MYO9B: variants seen among roughly 807,000 people sequenced by gnomAD.
The protein encoded by MYO9B is unconventional myosin-IXb.
MYO9B carries 71 observed loss-of-function variants against 229.5 expected under a neutral mutation model. That is an observed-to-expected ratio of 0.31 (90% confidence interval 0.26 to 0.38). The LOEUF (loss-of-function observed/expected upper bound fraction) is 0.38, where lower values mean the gene tolerates loss of function less well. MYO9B is among the 10% of genes least tolerant of loss of function. The pLI, the probability that MYO9B is intolerant of heterozygous loss-of-function variation, is 1.00. For synonymous variants in MYO9B, 1,185 were observed against 1,235.8 expected (o/e 0.96, Z 0.86); for missense variants, 2,255 against 2,920.5 (o/e 0.77, Z 5.25).
intron 3 of MYO9B, among the ~76,000 whole-genome samples, chr19:17,146,092 T>C (rs1184254705): frequency 6.6e-6 from 1 of 151,298 alleles, no homozygotes; most frequent in African/African-American, 2.4e-5. Flanking sequence ...AATGGATGGA[T>C]AGATGAATTA....
chr19:17,102,438 A>T lies in MYO9B; in HGVS notation c.721A>T (p.Ser241Cys), dbSNP rs2057754061. 1 of 1,613,736 alleles carries T rather than the reference A, an allele frequency of 6.2e-7. No homozygotes were observed. ...CCAGTGCATCGTGATCTCGGGTGAG[A>T]GCGGCTCCGGCAAGACCCAGAGCAC... ...VNQCIVISGE[S>C]GSGKTQSTNF... The change falls in exon 2 of 40, where the codon AGC becomes TGC. Residue 241 changes from serine to cysteine, a missense_variant. By Grantham distance (112) the Ser-to-Cys change is moderately radical (BLOSUM62 -1). This residue lies in a region of MYO9B where 386 missense variants were observed against 515.2 expected (regional missense o/e 0.75). Coordinates refer to ENST00000682292, the MANE Select transcript of MYO9B (RefSeq NM_004145.4).
chr19:17,128,212 A>G (rs1437028253), intron 2 of MYO9B, among the ~76,000 whole-genome samples: 1 of 112,844 alleles, frequency 8.9e-6, no homozygotes, highest in Non-Finnish European at 1.8e-5. Context: ...CCCTATCTAT[A>G]CTGAAAAAAA....
At chr19:17,128,677 G>A (rs2072155778) in intron 2 of MYO9B, among the ~76,000 whole-genome samples, 2 of 152,234 alleles carry the variant, frequency 1.3e-5, no homozygotes, top group African/African-American at 4.8e-5. Context: ...TGCTGTCAGT[G>A]TCCCCAGGTG....
chr19:17,107,501 T>C (rs1236070299), intron 2 of MYO9B, among the ~76,000 whole-genome samples: 1 of 152,202 alleles, frequency 6.6e-6, no homozygotes, highest in Non-Finnish European at 1.5e-5. Context: ...CGTGGACAAG[T>C]TTCCTGTTGC....
At position 17,114,508 on chromosome 19, in the gene MYO9B, C is replaced by T. The variant is rs199977345; in HGVS notation, c.840+11951C>T. The stretch of plus-strand genomic sequence containing the variant: ...GAGGATCTGGCTTTCCAAGAGCCTG[C>T]TCTTCCAGGTGCACTGAGTGACGTC... On this transcript the variant is annotated intron_variant, in intron 2 of 39. Coordinates refer to ENST00000682292, the MANE Select transcript of MYO9B (RefSeq NM_004145.4). Among the ~76,000 whole-genome samples the T allele has an allele frequency of 3.7e-3, 569 of 152,008 alleles. 3 individuals are homozygous for T. The highest frequency in any genetic ancestry group is 5.9e-3 in the Non-Finnish European group (402 of 67,908).
intron 28 of MYO9B, 32 bp from the exon 29 acceptor site, chr19:17,202,810 C>A (rs8101251): frequency 0.44 from 689,697 of 1,564,248 alleles, 159,504 homozygotes; most frequent in East Asian, 0.75. Flanking sequence ...CCAGGGGGGC[C>A]CCCGCCAACC....
intron 10 of MYO9B, among the ~76,000 whole-genome samples, chr19:17,163,846 T>C (rs1042158952): frequency 1.3e-5 from 2 of 152,242 alleles, no homozygotes; most frequent in African/African-American, 4.8e-5. Context: ...TTCCATTTTC[T>C]GGATGTACCA....
intron 1 of MYO9B, among the ~76,000 whole-genome samples, chr19:17,078,513 C>T (rs866231344): frequency 5.9e-5 from 9 of 152,000 alleles, no homozygotes; most frequent in African/African-American, 1.7e-4. Flanking sequence ...GCACTCCAGT[C>T]TGGGTGACAG....
chr19:17,094,787 C>A (rs1187904737), intron 1 of MYO9B, among the ~76,000 whole-genome samples: 2 of 150,254 alleles, frequency 1.3e-5, no homozygotes, highest in South Asian at 2.1e-4. Flanking sequence ...ACTAAAAATA[C>A]AAAAATTAGG....
chr19:17,143,279 G>A (rs1256229802), intron 2 of MYO9B, among the ~76,000 whole-genome samples: 3 of 151,850 alleles, frequency 2.0e-5, no homozygotes, highest in Admixed American at 1.3e-4. Flanking sequence ...CACAACCTCA[G>A]ACACAGAGAT....
intron 2 of MYO9B, among the ~76,000 whole-genome samples, chr19:17,121,185 C>T (rs1296320077): frequency 6.6e-6 from 1 of 152,112 alleles, no homozygotes; most frequent in Non-Finnish European, 1.5e-5. Context: ...TCAAGCCATC[C>T]ACCCATCTTG....
chr19:17,087,754 A>G (rs531505717), intron 1 of MYO9B, among the ~76,000 whole-genome samples: 1 of 152,110 alleles, frequency 6.6e-6, no homozygotes, highest in Admixed American at 6.5e-5. Context: ...ATGTGGTGAA[A>G]CCCTGTCTCT....
chr19:17,203,114 T>C (rs868356620), intron 29 of MYO9B, 33 bp from the exon 30 acceptor site: 1 of 1,530,922 alleles, frequency 6.5e-7, no homozygotes. Context: ...GCCTTCCCCT[T>C]TCCCTGCCCA....
intron 2 of MYO9B, among the ~76,000 whole-genome samples, chr19:17,135,875 G>C (rs2072262941): frequency 6.6e-6 from 1 of 152,084 alleles, no homozygotes; most frequent in African/African-American, 2.4e-5. Flanking sequence ...AGTGAGCACT[G>C]TGGCTCTTTA....
chr19:17,130,102 G>C (rs2072175700), intron 2 of MYO9B, among the ~76,000 whole-genome samples: 1 of 151,632 alleles, frequency 6.6e-6, no homozygotes, highest in Non-Finnish European at 1.5e-5. Flanking sequence ...TCATAGATGT[G>C]AGCCACCTGC....
chr19:17,162,328 GT>G, intron 8 of MYO9B, 21 bp from the exon 9 acceptor site: 1 of 1,546,224 alleles, frequency 6.5e-7, no homozygotes, highest in Non-Finnish European at 8.7e-7. Context: ...CCGGAGGTGA[GT>G]CACCCCCTCT....
chr19:17,210,880 C>A, intron 38 of MYO9B, 32 bp downstream of exon 38: 3 of 1,565,916 alleles, frequency 1.9e-6, no homozygotes, highest in South Asian at 1.2e-5. Context: ...CTCAGTCCTT[C>A]ATGTTTAGGG....
intron 35 of MYO9B, chr19:17,207,795 G>C (rs1200818152): frequency 6.6e-6 from 1 of 152,150 alleles, no homozygotes; most frequent in Admixed American, 6.5e-5. Context: ...CAGATGACCT[G>C]CGGTCGGGAG....
intron 2 of MYO9B, among the ~76,000 whole-genome samples, chr19:17,127,607 G>T (rs184325543): frequency 6.6e-6 from 1 of 152,152 alleles, no homozygotes; most frequent in Non-Finnish European, 1.5e-5. Context: ...GGGATTATAT[G>T]TGTGAGCCAC....
Sources: allele counts gnomAD v4.1 joint callset (sites outside exome capture counted in the v4.1 genomes callset), GRCh38; gene constraint gnomAD v4.1.1; regional missense constraint gnomAD v4.1.1; transcripts MANE v1.5; gene names NCBI Gene and HGNC (gene_info 2026-07-23, HGNC 2026-07-21).